MARCHF10: variants seen among roughly 807,000 people sequenced by gnomAD.
The protein encoded by MARCHF10 is membrane associated ring-CH-type finger 10.
Under a neutral mutation model 76.2 loss-of-function variants are expected in MARCHF10, and 64 were observed. That is an observed-to-expected ratio of 0.84 (90% CI 0.69 to 1.03). The LOEUF (loss-of-function observed/expected upper bound fraction) is 1.03, where lower values mean the gene tolerates loss of function less well. Among genes scored for constraint, MARCHF10 ranks in the 50% least tolerant of loss-of-function variants. MARCHF10 has a pLI of 0.00. For synonymous variants in MARCHF10, 340 were observed against 357.5 expected (o/e 0.95, Z 0.55); for missense variants, 875 against 958.0 (o/e 0.91, Z 1.14).
At chr17:62,702,677 TAAAA>T (rs1568081846) in intron 10 of MARCHF10, among the ~76,000 whole-genome samples, 1 of 151,076 alleles carries the variant, frequency 6.6e-6, no homozygotes, top group Non-Finnish European at 1.5e-5. Context: ...AAAAGAAAAA[TAAAA>T]AAAGAAAAAA....
chr17:62,732,057 A>C (rs1339005839), intron 6 of MARCHF10, among the ~76,000 whole-genome samples: 1 of 152,234 alleles, frequency 6.6e-6, no homozygotes, highest in East Asian at 1.9e-4. Flanking sequence ...ATAACAACAA[A>C]TAAAAGAACC....
At chr17:62,706,664 C>T (rs908510765) in intron 9 of MARCHF10, among the ~76,000 whole-genome samples, 1 of 152,150 alleles carries the variant, frequency 6.6e-6, no homozygotes, top group African/African-American at 2.4e-5. Flanking sequence ...CGTACCTGCC[C>T]CTCCGGCCAG....
chr17:62,768,435 G>T (rs978920373), intron 3 of MARCHF10, among the ~76,000 whole-genome samples: 2 of 152,124 alleles, frequency 1.3e-5, no homozygotes, highest in African/African-American at 2.4e-5. Flanking sequence ...CAGGAGAATC[G>T]CTTGAACCTG....
chr17:62,739,680 C>T (rs1016293231), intron 5 of MARCHF10, among the ~76,000 whole-genome samples: 3 of 152,018 alleles, frequency 2.0e-5, no homozygotes, highest in Admixed American at 1.3e-4. Context: ...CGTGCCCGGC[C>T]GGCTGATGAC....
At chr17:62,728,324 C>G (rs184872722) in intron 6 of MARCHF10, among the ~76,000 whole-genome samples, 1 of 152,250 alleles carries the variant, frequency 6.6e-6, no homozygotes, top group Non-Finnish European at 1.5e-5. Flanking sequence ...TGTGCCTGGC[C>G]ACAGGTCAAA....
At position 62,712,250 on chromosome 17, in the gene MARCHF10, T is replaced by C. The variant is rs1159130415; in HGVS notation, c.2215-906A>G. On this transcript the variant is annotated intron_variant, in intron 8 of 10. Transcript: ENST00000311269. The surrounding 1 kb of genome is among the most constrained non-coding windows in gnomAD (Gnocchi z 4.2). ...ACAAAGCCACCCAGCCCCCGGGGAA[T>C]AGAGTCCCCAGCAGAGGGCATGGCC... Among the ~76,000 whole-genome samples, 1 of 152,228 alleles carries C rather than the reference T, an allele frequency of 6.6e-6. No individual in the cohort carries two copies. The highest frequency in any genetic ancestry group is 6.5e-5 in the Admixed American group (1 of 15,284).
intron 2 of MARCHF10, among the ~76,000 whole-genome samples, chr17:62,799,931 G>C (rs2093044969): frequency 6.6e-6 from 1 of 152,052 alleles, no homozygotes; most frequent in South Asian, 2.1e-4. Flanking sequence ...GGAAGCTCTG[G>C]GGGGATCTTT....
intron 10 of MARCHF10, 82 bp from the exon 11 acceptor site, chr17:62,701,840 A>G: frequency 6.4e-7 from 1 of 1,572,694 alleles, no homozygotes; most frequent in Non-Finnish European, 8.7e-7. Flanking sequence ...CTGCTGCTTC[A>G]TCTTCTCCCA....
chr17:62,790,239 G>A (rs922705873), intron 2 of MARCHF10, among the ~76,000 whole-genome samples: 1 of 151,804 alleles, frequency 6.6e-6, no homozygotes, highest in Non-Finnish European at 1.5e-5. Flanking sequence ...GCAGTGGCAC[G>A]ATCTTGGCTC....
At chr17:62,756,950 G>A (rs2092061935) in intron 4 of MARCHF10, among the ~76,000 whole-genome samples, 1 of 152,178 alleles carries the variant, frequency 6.6e-6, no homozygotes, top group Non-Finnish European at 1.5e-5. Context: ...AGGATGAAGA[G>A]CAATCTGATG....
In MARCHF10 at chr17:62,753,823, G is replaced by C. The variant is rs140837616; in HGVS notation, c.382+6012C>G. ...GGAATCCTGCTCACCCACCAGGCTG[G>C]GAGCCCTGGAGGGCAGGCCCCGTGT... On this transcript the variant is annotated intron_variant, in intron 4 of 10. Coordinates refer to ENST00000311269, the MANE Select transcript of MARCHF10 (RefSeq NM_152598.4). 4.6e-5 allele frequency among the ~76,000 whole-genome samples: 7 copies of C among 152,236 alleles called. No homozygotes were observed. In the East Asian group the frequency reaches 9.7e-4, roughly 21 times the overall value.
chr17:62,714,191 C>G (rs1348199382), intron 8 of MARCHF10, among the ~76,000 whole-genome samples: 1 of 152,178 alleles, frequency 6.6e-6, no homozygotes, highest in Admixed American at 6.5e-5. Context: ...GCAAGGATGG[C>G]AGGGGTGTGT....
chr17:62,797,308 G>A (rs1287463862), intron 2 of MARCHF10, among the ~76,000 whole-genome samples: 2 of 152,114 alleles, frequency 1.3e-5, no homozygotes, highest in African/African-American at 2.4e-5. Flanking sequence ...GGGTTCAAGC[G>A]ATTCTCCTGC....
At chr17:62,772,717 C>A (rs951816787) in intron 3 of MARCHF10, among the ~76,000 whole-genome samples, 3 of 152,264 alleles carry the variant, frequency 2.0e-5, no homozygotes, top group African/African-American at 7.2e-5. Context: ...AAAATTACAC[C>A]TTTATTTTCT....
chr17:62,753,598 G>T lies in MARCHF10; in HGVS notation c.382+6237C>A, dbSNP rs186069052. Among the ~76,000 whole-genome samples the T allele has an allele frequency of 9.9e-5, 15 of 152,246 alleles. No homozygotes were observed. The East Asian group carries it at 2.5e-3, about 25-fold the overall frequency. ...GGCCCTAGATTATCTGTAGCTCCTC[G>T]ATATGTGTCTCTCCCTGTCTTCCTT... On this transcript the variant is annotated intron_variant, in intron 4 of 10. Coordinates refer to ENST00000311269, the MANE Select transcript of MARCHF10 (RefSeq NM_152598.4).
chr17:62,723,559 C>CTTTTTTTTTTTTTTTTTTTTTT lies in MARCHF10; in HGVS notation c.2105-963_2105-962insAAAAAAAAAAAAAAAAAAAAAA, dbSNP rs60456766. Among the ~76,000 whole-genome samples the CTTTTTTTTTTTTTTTTTTTTTT allele has an allele frequency of 1.0e-3, 84 of 80,332 alleles. 17 individuals carry two copies. The highest frequency in any genetic ancestry group is 2.2e-3 in the African/African-American group (40 of 18,374). The allele number at this position is 80,332 out of a possible 152,430, so 52.7% of individuals were successfully genotyped here. Reference sequence around the variant, plus strand: ...CCTTATCTGCATTTTGTTCGCTTGACTTTTTTTTTTTTTTTTTTTAGCGTC... The same window carrying CTTTTTTTTTTTTTTTTTTTTTT: ...CCTTATCTGCATTTTGTTCGCTTGACTTTTTTTTTTTTTTTTTTTTTTTTTTTTTTTTTTTTTTTTTAGCGTC... On this transcript the variant is annotated intron_variant, in intron 7 of 10. Coordinates refer to ENST00000311269, the MANE Select transcript of MARCHF10 (RefSeq NM_152598.4).
At chr17:62,722,930 T>G (rs933566649) in intron 7 of MARCHF10, among the ~76,000 whole-genome samples, 3 of 152,002 alleles carry the variant, frequency 2.0e-5, no homozygotes, top group Admixed American at 1.3e-4. Flanking sequence ...CACAGGTGTT[T>G]GTAAAAAGAG....
intron 3 of MARCHF10, among the ~76,000 whole-genome samples, chr17:62,762,967 G>T (rs180905527): frequency 6.6e-6 from 1 of 152,172 alleles, no homozygotes; most frequent in Non-Finnish European, 1.5e-5. Context: ...CCAGCTCCAC[G>T]GGAGTGAATC....
chr17:62,756,315 G>A (rs1439589715), intron 4 of MARCHF10, among the ~76,000 whole-genome samples: 3 of 151,816 alleles, frequency 2.0e-5, no homozygotes, highest in African/African-American at 7.3e-5. Flanking sequence ...GCATAGTGGC[G>A]TGTGCCTGTA....
Sources: gnomAD v4.1 joint callset for allele counts (sites outside exome capture counted in the v4.1 genomes callset) on GRCh38, gnomAD v4.1.1 for gene constraint, Gnocchi (gnomAD v3.1) non-coding constraint, MANE v1.5 for transcripts, NCBI Gene and HGNC (gene_info 2026-07-23, HGNC 2026-07-21) for gene names.